Variants in DCC observed in about 807,000 individuals in gnomAD.
DCC encodes netrin receptor DCC.
Under a neutral mutation model 172.5 loss-of-function variants are expected in DCC, and 58 were observed. The observed-to-expected ratio is 0.34, with a 90% CI of 0.27 to 0.42. DCC has a LOEUF of 0.42. DCC is among the 10% of genes least tolerant of loss of function. DCC has a pLI of 1.00. For missense variants in DCC, 1,740 were observed against 1,791.0 expected, an observed-to-expected ratio of 0.97 and a Z score of 0.51; for synonymous variants, 709 against 644.5, an observed-to-expected ratio of 1.10 and a Z score of -1.52.
intron 23 of DCC, among the ~76,000 whole-genome samples, chr18:53,454,600 T>C (rs560903495): frequency 6.6e-6 from 1 of 152,328 alleles, no homozygotes; most frequent in East Asian, 1.9e-4. Flanking sequence ...TTTAAACATG[T>C]AAATAAAACC....
chr18:53,116,763 C>T (rs957455414), intron 7 of DCC, among the ~76,000 whole-genome samples: 1 of 151,562 alleles, frequency 6.6e-6, no homozygotes, highest in Non-Finnish European at 1.5e-5. Flanking sequence ...AGTTTTCCTT[C>T]GATTTCAATT....
At chr18:53,230,718 G>A (rs1268368843) in intron 12 of DCC, among the ~76,000 whole-genome samples, 1 of 151,786 alleles carries the variant, frequency 6.6e-6, no homozygotes, top group Non-Finnish European at 1.5e-5. Flanking sequence ...GCAAATGCTG[G>A]CCTTAAGAAT....
chr18:53,303,656 G>T (rs1357635733), intron 12 of DCC, among the ~76,000 whole-genome samples: 1 of 152,186 alleles, frequency 6.6e-6, no homozygotes, highest in East Asian at 1.9e-4. Flanking sequence ...GGGACAGGGA[G>T]CATGCAGACA....
intron 2 of DCC, among the ~76,000 whole-genome samples, chr18:52,762,075 G>A (rs944140746): frequency 6.6e-6 from 1 of 152,122 alleles, no homozygotes; most frequent in African/African-American, 2.4e-5. Flanking sequence ...GAGCTATGGA[G>A]TTCTAATTTC....
intron 7 of DCC, among the ~76,000 whole-genome samples, chr18:53,133,411 T>C (rs923677643): frequency 5.9e-5 from 9 of 152,194 alleles, no homozygotes; most frequent in African/African-American, 2.2e-4. Flanking sequence ...TAACCCCTTT[T>C]ACAAGATTTA....
At chr18:52,361,497 AG>A (rs1984616604) in intron 1 of DCC, among the ~76,000 whole-genome samples, 1 of 152,254 alleles carries the variant, frequency 6.6e-6, no homozygotes, top group African/African-American at 2.4e-5. Flanking sequence ...TGTCTCTATA[AG>A]ACAGATCACC....
intron 2 of DCC, among the ~76,000 whole-genome samples, chr18:52,826,223 T>C (rs2038505929): frequency 6.6e-6 from 1 of 152,194 alleles, no homozygotes; most frequent in Admixed American, 6.5e-5. Context: ...CATTCTGACA[T>C]GGATCATCTA....
chr18:53,009,474 G>C (rs1313820889), intron 5 of DCC, among the ~76,000 whole-genome samples: 1 of 151,910 alleles, frequency 6.6e-6, no homozygotes, highest in African/African-American at 2.4e-5. Flanking sequence ...AGTGGTGTCA[G>C]TGGTTCTAGA....
Position 52,340,338 on chromosome 18 carries a change from C to G in DCC, c.-450C>G, listed in dbSNP as rs1046603290. 1.0e-5 allele frequency: 2 copies of G among 200,548 alleles called. No individual in the cohort carries two copies. The highest frequency in any genetic ancestry group is 2.3e-5 in the African/African-American group (1 of 43,536). 12.4% of individuals were successfully genotyped at this position (200,548 alleles called of 1,614,324 possible). Reference sequence around the variant, plus strand: ...CTCTCGCGCGGAATTGTCTCTTCAACTTTACCCAACCGACGACAAGGAACC... The same window carrying G: ...CTCTCGCGCGGAATTGTCTCTTCAAGTTTACCCAACCGACGACAAGGAACC... On this transcript the variant is annotated 5_prime_UTR_variant, in exon 1 of 29. Coordinates refer to ENST00000442544, the MANE Select transcript of DCC (RefSeq NM_005215.4).
At chr18:53,049,379 G>A (rs2042303166) in intron 5 of DCC, among the ~76,000 whole-genome samples, 1 of 152,038 alleles carries the variant, frequency 6.6e-6, no homozygotes, top group Non-Finnish European at 1.5e-5. Flanking sequence ...TCAGGAAGGG[G>A]TCCAGTTTCA....
intron 1 of DCC, among the ~76,000 whole-genome samples, chr18:52,715,319 A>G (rs1452764028): frequency 4.5e-5 from 6 of 134,508 alleles, no homozygotes; most frequent in African/African-American, 1.6e-4. Flanking sequence ...GTTGTTTTTG[A>G]GACCAAGTGT....
chr18:53,403,627 A>G (rs1226775626), intron 19 of DCC, among the ~76,000 whole-genome samples: 1 of 152,212 alleles, frequency 6.6e-6, no homozygotes, highest in East Asian at 1.9e-4. Flanking sequence ...AAAATATTGT[A>G]TAACTCAAAA....
intron 8 of DCC, among the ~76,000 whole-genome samples, chr18:53,162,709 G>C (rs988574206): frequency 6.6e-6 from 1 of 152,114 alleles, no homozygotes; most frequent in African/African-American, 2.4e-5. Flanking sequence ...CCAAATCTTT[G>C]CTGTAATGTC....
At chr18:53,180,155 C>T (rs564978662) in intron 9 of DCC, among the ~76,000 whole-genome samples, 126 of 152,168 alleles carry the variant, frequency 8.3e-4, no homozygotes, top group African/African-American at 2.9e-3. Context: ...ATCAGCAAGT[C>T]GAAGAAGAGA....
chr18:53,084,593 T>A (rs1414321202), intron 7 of DCC, among the ~76,000 whole-genome samples: 1 of 152,202 alleles, frequency 6.6e-6, no homozygotes, highest in Non-Finnish European at 1.5e-5. Context: ...CTTTTCTAAC[T>A]GGTTCCCAGC....
At chr18:52,623,205 A>T (rs186870757) in intron 1 of DCC, among the ~76,000 whole-genome samples, 1 of 152,352 alleles carries the variant, frequency 6.6e-6, no homozygotes, top group East Asian at 1.9e-4. Flanking sequence ...TTGGAGTTGG[A>T]CATGAGGAAG....
intron 21 of DCC, among the ~76,000 whole-genome samples, chr18:53,428,858 T>C (rs1439640234): frequency 2.3e-5 from 1 of 44,216 alleles, no homozygotes; most frequent in African/African-American, 8.7e-5. Context: ...ATAAATTATA[T>C]ATTATATATT....
At chr18:52,474,763 C>T (rs899684252) in intron 1 of DCC, among the ~76,000 whole-genome samples, 14 of 152,296 alleles carry the variant, frequency 9.2e-5, no homozygotes, top group Middle Eastern at 3.4e-3. Flanking sequence ...CAGATCTCTT[C>T]CGCTCCATCT....
intron 5 of DCC, among the ~76,000 whole-genome samples, chr18:53,052,234 C>G (rs553746714): frequency 6.6e-6 from 1 of 152,110 alleles, no homozygotes; most frequent in African/African-American, 2.4e-5. Context: ...GTTTTATCCT[C>G]CAGTCTTTGA....
Sources: gnomAD v4.1 joint callset for allele counts (sites outside exome capture counted in the v4.1 genomes callset) on GRCh38, gnomAD v4.1.1 for gene constraint, MANE v1.5 for transcripts, NCBI Gene and HGNC (gene_info 2026-07-23, HGNC 2026-07-21) for gene names.